MEOX2: variants seen among roughly 807,000 people sequenced by gnomAD.
MEOX2 encodes the protein mesenchyme homeobox 2, also known as homeobox protein MOX-2.
A neutral mutation model predicts 27.0 loss-of-function variants in MEOX2; 11 were observed. The ratio of observed to expected loss-of-function variants is 0.41; its 90% CI spans 0.26 to 0.68. The LOEUF is 0.68. MEOX2 is among the 30% of genes least tolerant of loss of function. MEOX2 has a pLI of 0.33. For missense variants in MEOX2, 436 were observed against 385.4 expected (o/e 1.13, Z -1.10); for synonymous variants, 189 against 155.4 (o/e 1.22, Z -1.61).
intron 1 of MEOX2, among the ~76,000 whole-genome samples, chr7:15,630,487 C>T (rs74838203): frequency 4.1e-4 from 63 of 152,072 alleles, no homozygotes; most frequent in African/African-American, 9.4e-4. Flanking sequence ...TCTGGGTAAA[C>T]GTATTAGCTC....
chr7:15,662,552 A>G (rs1443133027), intron 1 of MEOX2, among the ~76,000 whole-genome samples: 1 of 152,122 alleles, frequency 6.6e-6, no homozygotes, highest in Non-Finnish European at 1.5e-5. Context: ...AAAATTAAAC[A>G]TATTTTGTAG....
chr7:15,652,557 A>C (rs947589956), intron 1 of MEOX2, among the ~76,000 whole-genome samples: 21 of 152,072 alleles, frequency 1.4e-4, no homozygotes, highest in African/African-American at 4.8e-4. Flanking sequence ...ATAAATAAAC[A>C]TATAGTACAA....
At chr7:15,631,370 A>G (rs1295066065) in intron 1 of MEOX2, among the ~76,000 whole-genome samples, 1 of 151,920 alleles carries the variant, frequency 6.6e-6, no homozygotes, top group Non-Finnish European at 1.5e-5. Flanking sequence ...GAAATAAATC[A>G]GATAAATCCC....
At position 15,666,751 on chromosome 7, in the gene MEOX2, C is replaced by CAA. The variant is rs61294753; in HGVS notation, c.517+19133_517+19134dup. Among the ~76,000 whole-genome samples the CAA allele has an allele frequency of 3.6e-3, 226 of 62,980 alleles. 2 individuals carry two copies. The highest frequency in any genetic ancestry group is 4.9e-3 in the South Asian group (8 of 1,626). The allele number at this position is 62,980 out of a possible 152,430, so 41.3% of individuals were successfully genotyped here. A position where few individuals can be genotyped will look rare whatever the true frequency, so the allele number is the denominator to read the frequency against. On this transcript the variant is annotated intron_variant, in intron 1 of 2. Coordinates refer to ENST00000262041, the MANE Select transcript of MEOX2 (RefSeq NM_005924.5). ...TGGGCAACAGAGCAAGACTCTGTCT[C>CAA]AAAAAAAAAAAAAAAAAAAAAAAAA... is the stretch of plus-strand genomic sequence containing the variant.
intron 1 of MEOX2, among the ~76,000 whole-genome samples, chr7:15,653,830 T>G (rs896273206): frequency 2.3e-4 from 35 of 151,988 alleles, no homozygotes; most frequent in African/African-American, 7.5e-4. Context: ...AGGTATGTAA[T>G]ACATCAAAAT....
rs567987442 is a variant in MEOX2 at position 15,646,075 on chromosome 7, T to A, written c.518-19157A>T. On this transcript the variant is annotated intron_variant, in intron 1 of 2. Coordinates refer to ENST00000262041, the MANE Select transcript of MEOX2 (RefSeq NM_005924.5). ...AATTACTCTGCATTAAAACCCTATA[T>A]TTTGTGGTGGTAGCTATGAAAATAA... 5.9e-5 allele frequency among the ~76,000 whole-genome samples: 9 copies of A among 152,166 alleles called. No homozygotes were observed. The East Asian group carries it at 1.7e-3, about 29-fold the overall frequency.
intron 2 of MEOX2, among the ~76,000 whole-genome samples, chr7:15,617,525 G>T (rs1781142461): frequency 6.6e-6 from 1 of 151,928 alleles, no homozygotes; most frequent in African/African-American, 2.4e-5. Flanking sequence ...TGAAAAATGG[G>T]GAAAAGAAAG....
At chr7:15,626,704 G>C in intron 2 of MEOX2, 42 bp downstream of exon 2, 1 of 1,456,106 alleles carries the variant, frequency 6.9e-7, no homozygotes, top group Non-Finnish European at 9.5e-7. Flanking sequence ...GTGGACCCAG[G>C]GCAATTAAAA....
intron 2 of MEOX2, among the ~76,000 whole-genome samples, chr7:15,620,061 A>C (rs1221728931): frequency 6.6e-6 from 1 of 152,022 alleles, no homozygotes; most frequent in Admixed American, 6.6e-5. Context: ...TATTTATTTA[A>C]ATAAAAGCAT....
intron 1 of MEOX2, among the ~76,000 whole-genome samples, chr7:15,658,460 T>A (rs1266260006): frequency 6.6e-6 from 1 of 152,202 alleles, no homozygotes; most frequent in African/African-American, 2.4e-5. Flanking sequence ...CAAACATCTG[T>A]TAGACATTTT....
rs1309213807 is a variant in MEOX2, at chr7:15,659,751, C to A, written c.517+26135G>T. Among the ~76,000 whole-genome samples the A allele has an allele frequency of 2.6e-5, 3 of 114,728 alleles. No homozygotes were observed. The Admixed American group carries it at 3.3e-4, about 13-fold the overall frequency. 75.3% of individuals were successfully genotyped at this position (114,728 alleles called of 152,430 possible). ...CTCCAGCCTGGGTGACAGAGCGAGA[C>A]TGCTCTCAAAAAAAAAAAAAAAAAA... is the stretch of plus-strand genomic sequence containing the variant. On this transcript the variant is annotated intron_variant, in intron 1 of 2. Coordinates refer to ENST00000262041, the MANE Select transcript of MEOX2 (RefSeq NM_005924.5).
At chr7:15,632,036 C>G (rs1781413064) in intron 1 of MEOX2, among the ~76,000 whole-genome samples, 1 of 151,540 alleles carries the variant, frequency 6.6e-6, no homozygotes, top group Admixed American at 6.6e-5. Context: ...TTTGCAAACA[C>G]ATATCTCAGA....
At position 15,615,146 on chromosome 7, in the gene MEOX2, C is replaced by T. The variant is rs368262421; in HGVS notation, c.691-2535G>A. On this transcript the variant is annotated intron_variant, in intron 2 of 2. Coordinates refer to ENST00000262041, the MANE Select transcript of MEOX2 (RefSeq NM_005924.5). ...TCAGTAATTCCCTTTTATTATATACCTATGTAGGGATAGACAGCTATACTA... is the reference window on the plus strand; with the variant it reads ...TCAGTAATTCCCTTTTATTATATACTTATGTAGGGATAGACAGCTATACTA... Among the ~76,000 whole-genome samples, 6 of 150,578 alleles carry T rather than the reference C, an allele frequency of 4.0e-5. 1 individual carries two copies. The highest frequency in any genetic ancestry group is 1.5e-4 in the African/African-American group (6 of 40,968).
intron 2 of MEOX2, among the ~76,000 whole-genome samples, chr7:15,618,085 A>T (rs1781150957): frequency 6.6e-6 from 1 of 152,050 alleles, no homozygotes; most frequent in Non-Finnish European, 1.5e-5. Context: ...CATTCACATG[A>T]TAAAGCAAAG....
At position 15,611,314 on chromosome 7, in the gene MEOX2, C is replaced by A. The variant is rs1007030986; in HGVS notation, c.*1073G>T. The A allele has an allele frequency of 6.6e-6, 1 of 152,204 alleles. No homozygotes were observed. Among genetic ancestry groups the A allele is most frequent in the East Asian group, 1.9e-4 (1 of 5,184 alleles). 9.4% of individuals were successfully genotyped at this position (152,204 alleles called of 1,614,324 possible). ...ATATGAAAAAATAATGTGTTTTTAC[C>A]GAATTTAATTTGAAGATATTCAGAA... On this transcript the variant is annotated 3_prime_UTR_variant, in exon 3 of 3. Coordinates refer to ENST00000262041, the MANE Select transcript of MEOX2 (RefSeq NM_005924.5).
intron 1 of MEOX2, among the ~76,000 whole-genome samples, chr7:15,672,076 G>A (rs191865743): frequency 6.6e-6 from 1 of 151,688 alleles, no homozygotes; most frequent in Admixed American, 6.6e-5. Context: ...CTGGGTGACA[G>A]AGCAAGACTC....
intron 1 of MEOX2, among the ~76,000 whole-genome samples, chr7:15,627,235 T>C (rs1358280124): frequency 6.6e-6 from 1 of 152,114 alleles, no homozygotes; most frequent in African/African-American, 2.4e-5. Flanking sequence ...CACTTTTAGA[T>C]ATGAAGTTCT....
At chr7:15,621,874 T>G (rs893432588) in intron 2 of MEOX2, among the ~76,000 whole-genome samples, 4 of 152,182 alleles carry the variant, frequency 2.6e-5, no homozygotes, top group Non-Finnish European at 4.4e-5. Flanking sequence ...ATCTCAGCAC[T>G]TTGGGAGGCC....
chr7:15,653,681 T>C (rs956882551), intron 1 of MEOX2, among the ~76,000 whole-genome samples: 3 of 152,012 alleles, frequency 2.0e-5, no homozygotes, highest in Non-Finnish European at 4.4e-5. Flanking sequence ...AGATCAAGAT[T>C]GTTTTTTACC....
Sources: gnomAD v4.1 joint callset for allele counts (sites outside exome capture counted in the v4.1 genomes callset) on GRCh38, gnomAD v4.1.1 for gene constraint, MANE v1.5 for transcripts, NCBI Gene and HGNC (gene_info 2026-07-23, HGNC 2026-07-21) for gene names.